Variants in TTLL7 observed in about 807,000 individuals in gnomAD.
The protein encoded by TTLL7 is tubulin polyglutamylase TTLL7.
A neutral mutation model predicts 120.2 loss-of-function variants in TTLL7; 53 were observed. That is an observed-to-expected ratio of 0.44 (90% CI 0.35 to 0.55). The LOEUF is 0.55. TTLL7 is among the 20% of genes least tolerant of loss of function. The probability of loss-of-function intolerance (pLI) is 0.00; values close to 1 mark genes in which losing one functional copy is unlikely to be tolerated. For missense variants in TTLL7, 803 were observed against 1,054.7 expected, an observed-to-expected ratio of 0.76 and a Z score of 3.31; for synonymous variants, 353 against 351.7, an observed-to-expected ratio of 1.00 and a Z score of -0.04.
At chr1:83,875,955 G>T (rs1179515978) in intron 20 of TTLL7, among the ~76,000 whole-genome samples, 1 of 151,558 alleles carries the variant, frequency 6.6e-6, no homozygotes, top group Admixed American at 6.6e-5. Flanking sequence ...CTTTTCACTT[G>T]TTATTAAAAT....
In TTLL7 at chr1:83,921,175, A is replaced by C. The variant is rs760813509; in HGVS notation, c.1291-15T>G. 9 of 1,609,834 alleles carry C rather than the reference A, an allele frequency of 5.6e-6. No homozygotes were observed. The African/African-American group carries it at 1.1e-4, about 19-fold the overall frequency. On this transcript the variant is annotated splice_polypyrimidine_tract_variant and intron_variant, in intron 11 of 20. Transcript: ENST00000260505. ...AGTCTCTCTTTCTGGAAATGAGAAA[A>C]ATTTTACAAATAAAATCCAACAAGT...
intron 20 of TTLL7, among the ~76,000 whole-genome samples, chr1:83,876,913 C>G (rs556088770): frequency 6.6e-6 from 1 of 152,030 alleles, no homozygotes; most frequent in African/African-American, 2.4e-5. Context: ...TCTCATTAAA[C>G]TAGCTAAGAC....
At chr1:83,927,815 C>T (rs1659259909) in intron 10 of TTLL7, among the ~76,000 whole-genome samples, 1 of 152,060 alleles carries the variant, frequency 6.6e-6, no homozygotes, top group African/African-American at 2.4e-5. Flanking sequence ...AGAATTTTCC[C>T]AGTGTTCTTA....
chr1:83,973,992 G>C (rs1651231990), intron 1 of TTLL7, among the ~76,000 whole-genome samples: 1 of 151,866 alleles, frequency 6.6e-6, no homozygotes, highest in African/African-American at 2.4e-5. Flanking sequence ...CCATCAGGCT[G>C]GATCCTGAAG....
At chr1:83,974,386 A>G (rs1484324651) in intron 1 of TTLL7, among the ~76,000 whole-genome samples, 3 of 152,024 alleles carry the variant, frequency 2.0e-5, no homozygotes, top group Non-Finnish European at 4.4e-5. Context: ...ATTAAAATAA[A>G]TCATTCTTTA....
intron 14 of TTLL7, 58 bp downstream of exon 14, chr1:83,917,546 G>T: frequency 3.3e-6 from 4 of 1,218,750 alleles, no homozygotes; most frequent in Non-Finnish European, 4.8e-6. Flanking sequence ...ATAGTGAGAA[G>T]TATCAAGGGC....
intron 15 of TTLL7, 76 bp downstream of exon 15, chr1:83,911,089 G>A: frequency 1.6e-6 from 2 of 1,270,156 alleles, no homozygotes; most frequent in South Asian, 2.7e-5. Context: ...TTTGGCCCAA[G>A]GACCTTTTAC....
intron 1 of TTLL7, among the ~76,000 whole-genome samples, chr1:83,960,852 C>G (rs543828890): frequency 1.6e-4 from 24 of 152,250 alleles, no homozygotes; most frequent in African/African-American, 5.8e-4. Context: ...ATTGCCACCA[C>G]TCATTGTGTG....
chr1:83,961,893 A>C (rs896183512), intron 1 of TTLL7, among the ~76,000 whole-genome samples: 3 of 152,138 alleles, frequency 2.0e-5, no homozygotes, highest in African/African-American at 7.2e-5. Context: ...CCTGCAAAGA[A>C]CTATACCAAA....
intron 15 of TTLL7, 40 bp downstream of exon 15, chr1:83,911,125 A>G (rs1190562885): frequency 6.6e-7 from 1 of 1,521,456 alleles, no homozygotes; most frequent in Non-Finnish European, 9.1e-7. Context: ...CAGTTCCATA[A>G]TTCTTTATAT....
At chr1:83,881,020 G>A (rs943660870) in intron 20 of TTLL7, among the ~76,000 whole-genome samples, 1 of 151,890 alleles carries the variant, frequency 6.6e-6, no homozygotes, top group Admixed American at 6.6e-5. Flanking sequence ...AATGGTGCTG[G>A]GAAAACTGGC....
intron 14 of TTLL7, 135 bp from the exon 15 acceptor site, chr1:83,911,498 G>A (rs1343447690): frequency 5.9e-6 from 4 of 683,332 alleles, no homozygotes; most frequent in South Asian, 5.9e-5. Flanking sequence ...AAATACTATT[G>A]CTGCCATGCT....
intron 20 of TTLL7, 59 bp from the exon 21 acceptor site, chr1:83,870,141 A>T (rs1653219722): frequency 1.4e-6 from 2 of 1,471,432 alleles, no homozygotes; most frequent in Non-Finnish European, 1.8e-6. Context: ...AACTCACTAA[A>T]GGGTTATGTG....
At chr1:83,923,538 AACAC>A (rs199913889) in intron 10 of TTLL7, among the ~76,000 whole-genome samples, 1 of 152,162 alleles carries the variant, frequency 6.6e-6, no homozygotes, top group Non-Finnish European at 1.5e-5. Context: ...AAACAGTTTG[AACAC>A]ACACAAAGAA....
rs370846949 is a variant in TTLL7, at chr1:83,951,794, A to G, written c.157+51T>C. On this transcript the variant is annotated intron_variant, in intron 3 of 20. Transcript: ENST00000260505. ...TCTACATTGTTTTTAACACCAAATC[A>G]GTTTTTCCAGCAATTATGAGAATCC... 3.8e-6 allele frequency: 6 copies of G among 1,558,646 alleles called. No homozygotes were observed. The African/African-American group carries it at 8.3e-5, about 22-fold the overall frequency.
chr1:83,947,473 G>A, intron 5 of TTLL7, 191 bp from the exon 6 acceptor site: 1 of 486,948 alleles, frequency 2.1e-6, no homozygotes, highest in Non-Finnish European at 3.5e-6. Context: ...TCTGGACTAT[G>A]GATTCATCAG....
rs374001456 is a variant in TTLL7 at position 83,951,952 on chromosome 1, T to C, written c.50A>G (p.Asp17Gly). 13 of 1,609,730 alleles carry C rather than the reference T, an allele frequency of 8.1e-6. No individual in the cohort carries two copies. Among genetic ancestry groups the C allele is most frequent in the Non-Finnish European group, 1.0e-5 (12 of 1,178,918 alleles). ...TTGATAAGGTAATTCTGTATTCAAA[T>C]CCAGGGGAGAGGGTCCCTGAATAAC... Reference protein sequence around the residue: ...EGVIQGPSPLDLNTELPYQST... With the variant: ...EGVIQGPSPLGLNTELPYQST... Residue 17 changes from aspartate to glycine, a missense_variant, in exon 3 of 21, where the codon GAT (aspartate) becomes GGT (glycine). Asp to Gly is a moderately conservative substitution (Grantham distance 94). Around this residue, in one of 3 missense-constraint regions of TTLL7, gnomAD observed 91 missense variants for 96.6 expected, o/e 0.94. Coordinates refer to ENST00000260505, the MANE Select transcript of TTLL7 (RefSeq NM_024686.6).
chr1:83,977,078 T>C (rs778864208), intron 1 of TTLL7, among the ~76,000 whole-genome samples: 2 of 151,842 alleles, frequency 1.3e-5, no homozygotes, highest in Non-Finnish European at 2.9e-5. Flanking sequence ...ATAGTATATA[T>C]ACATATATAG....
In TTLL7 at chr1:83,872,978, G is replaced by C. The variant is rs1479903702; in HGVS notation, c.2544-2896C>G. Among the ~76,000 whole-genome samples, 3 of 152,156 alleles carry C rather than the reference G, an allele frequency of 2.0e-5. No homozygotes were observed. In the East Asian group the frequency reaches 5.8e-4, roughly 29 times the overall value. On this transcript the variant is annotated intron_variant, in intron 20 of 20. Transcript: ENST00000260505. ...TCCATACAGGCTAGCTCCAGCAGCA[G>C]AGCTCCTAGCAACCATACTATATTG...
Sources: gnomAD v4.1 joint callset for allele counts (sites outside exome capture counted in the v4.1 genomes callset) on GRCh38, gnomAD v4.1.1 for gene constraint, gnomAD v4.1.1 regional missense constraint, MANE v1.5 for transcripts, NCBI Gene and HGNC (gene_info 2026-07-23, HGNC 2026-07-21) for gene names.